ALKBH8: variants seen among roughly 807,000 people sequenced by gnomAD.
The protein encoded by ALKBH8 is alkB homolog 8, tRNA methyltransferase.
Under a neutral mutation model 59.8 loss-of-function variants are expected in ALKBH8, and 36 were observed. The ratio of observed to expected loss-of-function variants is 0.60; its 90% CI spans 0.46 to 0.79. The LOEUF is 0.79. ALKBH8 is among the 30% of genes least tolerant of loss of function. The probability of loss-of-function intolerance (pLI) is 0.00; values close to 1 mark genes in which losing one functional copy is unlikely to be tolerated. For missense variants in ALKBH8, 768 were observed against 801.0 expected (o/e 0.96, Z 0.50); for synonymous variants, 276 against 273.6 (o/e 1.01, Z -0.09).
chr11:107,564,905 C>G (rs1865070869), intron 1 of ALKBH8, among the ~76,000 whole-genome samples: 1 of 152,152 alleles, frequency 6.6e-6, no homozygotes, highest in Non-Finnish European at 1.5e-5. Flanking sequence ...TCGAATAAAC[C>G]TAAATCGACT....
At chr11:107,538,103 G>A (rs1272549838) in intron 7 of ALKBH8, among the ~76,000 whole-genome samples, 1 of 151,546 alleles carries the variant, frequency 6.6e-6, no homozygotes, top group Non-Finnish European at 1.5e-5. Flanking sequence ...TGCTTACAAA[G>A]CCCCCATCTT....
In ALKBH8 at chr11:107,524,929, A is replaced by G. The variant is rs144252749; in HGVS notation, c.1030+512T>C. ...GATGTACTTGTACAGACGATTCAAA[A>G]TAGCATCCTCTTGACAAGTTTTTGA... On this transcript the variant is annotated intron_variant, in intron 9 of 11. Coordinates refer to ENST00000428149, the MANE Select transcript of ALKBH8 (RefSeq NM_138775.3). 3.1e-3 allele frequency among the ~76,000 whole-genome samples: 477 copies of G among 152,330 alleles called. 3 individuals carry two copies. Among genetic ancestry groups the G allele is most frequent in the African/African-American group, 0.011 (450 of 41,586 alleles).
At chr11:107,553,356 T>G (rs978762715) in intron 4 of ALKBH8, among the ~76,000 whole-genome samples, 153 bp from the exon 5 acceptor site, 1 of 152,180 alleles carries the variant, frequency 6.6e-6, no homozygotes, top group Admixed American at 6.5e-5. Context: ...CCATTTTGCC[T>G]TATATTTGTT....
chr11:107,555,056 A>G (rs111441182), intron 3 of ALKBH8, among the ~76,000 whole-genome samples: 2,030 of 152,188 alleles, frequency 0.013, 39 homozygotes, highest in African/African-American at 0.046. Context: ...TCAGGAGATC[A>G]AGACCATCCT....
chr11:107,550,185 G>A (rs78906421), intron 6 of ALKBH8, among the ~76,000 whole-genome samples: 2,016 of 152,224 alleles, frequency 0.013, 44 homozygotes, highest in African/African-American at 0.046. Context: ...CAGAACAAAA[G>A]CAATAACCAG....
In ALKBH8 at chr11:107,504,938, TG is replaced by T; in HGVS notation, c.1714del (p.Gln572LysfsTer43). 6.4e-7 allele frequency: 1 copy of T among 1,551,916 alleles called. No individual in the cohort carries two copies. Among genetic ancestry groups the T allele is most frequent in the Non-Finnish European group, 8.7e-7 (1 of 1,146,978 alleles). On this transcript the variant is annotated frameshift_variant, in exon 12 of 12. Transcript: ENST00000428149. LOFTEE classifies it low-confidence loss of function (END_TRUNC). ...AACAGGCAGCTTGGAATTAGAAACT[TG>T]CCTTGAATTACATCCTCCTTCCTGA... is the stretch of plus-strand genomic sequence containing the variant. ...DSQEGGCNSR[Q>X]VSNSKLPVHV...
At chr11:107,560,522 C>T (rs1428649234) in intron 2 of ALKBH8, among the ~76,000 whole-genome samples, 1 of 151,970 alleles carries the variant, frequency 6.6e-6, no homozygotes, top group Non-Finnish European at 1.5e-5. Context: ...GAAACTTGCA[C>T]AGTATTATTA....
At chr11:107,544,815 C>CCACACACACACA (rs5794557) in intron 7 of ALKBH8, among the ~76,000 whole-genome samples, 5 of 138,452 alleles carry the variant, frequency 3.6e-5, no homozygotes, top group Non-Finnish European at 4.7e-5. Flanking sequence ...TAGATACAAA[C>CCACACACACACA]CACACACACA....
At chr11:107,564,071 A>T (rs1283290820) in intron 1 of ALKBH8, among the ~76,000 whole-genome samples, 1 of 152,156 alleles carries the variant, frequency 6.6e-6, no homozygotes, top group African/African-American at 2.4e-5. Flanking sequence ...ACTAATGCAC[A>T]GATACTTGGA....
chr11:107,531,074 A>T (rs773561094), intron 8 of ALKBH8, among the ~76,000 whole-genome samples: 66 of 151,238 alleles, frequency 4.4e-4, no homozygotes, highest in Non-Finnish European at 9.0e-4. Context: ...TCACATCATC[A>T]TTTTTTTTTA....
intron 11 of ALKBH8, among the ~76,000 whole-genome samples, chr11:107,507,373 G>A (rs1410754520): frequency 1.3e-5 from 2 of 152,098 alleles, no homozygotes; most frequent in African/African-American, 2.4e-5. Flanking sequence ...CAGCATGACT[G>A]ATACATAGAG....
chr11:107,516,856 T>G (rs915534299), intron 10 of ALKBH8, among the ~76,000 whole-genome samples: 2 of 152,064 alleles, frequency 1.3e-5, no homozygotes, highest in African/African-American at 4.8e-5. Flanking sequence ...CAAAACCTCA[T>G]CTCTACAAAA....
At chr11:107,560,646 T>C (rs905158602) in intron 2 of ALKBH8, 119 bp downstream of exon 2, 1 of 951,124 alleles carries the variant, frequency 1.1e-6, no homozygotes, top group Admixed American at 3.0e-5. Flanking sequence ...GTACCTCTAA[T>C]ATGGATGTAA....
In ALKBH8 at chr11:107,553,155, A is replaced by G. The variant is rs765162707; in HGVS notation, c.548T>C (p.Phe183Ser). The G allele has an allele frequency of 7.5e-6, 12 of 1,610,616 alleles. No individual in the cohort carries two copies. Among genetic ancestry groups the G allele is most frequent in the Non-Finnish European group, 1.0e-5 (12 of 1,178,546 alleles). Residue 183 changes from phenylalanine to serine, a missense_variant, in exon 5 of 12, where the codon TTC (phenylalanine) becomes TCC (serine). Coordinates refer to ENST00000428149, the MANE Select transcript of ALKBH8 (RefSeq NM_138775.3). ...HRRVKHFGYE[F>S]HYENNNVDKD... Reference sequence around the variant, plus strand: ...ATCTACATTGTTGTTCTCATAGTGGAACTCATAACCAAAATGCTTTACTCT... The same window carrying G: ...ATCTACATTGTTGTTCTCATAGTGGGACTCATAACCAAAATGCTTTACTCT...
intron 5 of ALKBH8, among the ~76,000 whole-genome samples, chr11:107,552,215 T>A (rs9326219): frequency 6.6e-6 from 1 of 151,630 alleles, no homozygotes; most frequent in East Asian, 1.9e-4. Context: ...GTCCACTTTC[T>A]TTTTTTGTTA....
At chr11:107,526,119 T>G (rs1863342998) in intron 8 of ALKBH8, among the ~76,000 whole-genome samples, 1 of 151,998 alleles carries the variant, frequency 6.6e-6, no homozygotes, top group Non-Finnish European at 1.5e-5. Context: ...GGTAACTACC[T>G]AGGAGTCAAA....
chr11:107,524,576 C>T (rs961624711), intron 9 of ALKBH8, among the ~76,000 whole-genome samples: 1 of 152,100 alleles, frequency 6.6e-6, no homozygotes, highest in African/African-American at 2.4e-5. Flanking sequence ...AAATAATAAA[C>T]ATTTTAAATT....
chr11:107,553,804 T>C (rs746990862), intron 4 of ALKBH8, 43 bp downstream of exon 4: 106 of 1,582,906 alleles, frequency 6.7e-5, no homozygotes, highest in Non-Finnish European at 8.3e-5. Context: ...AAGAAGAGTT[T>C]TGCAGAAACT....
intron 7 of ALKBH8, among the ~76,000 whole-genome samples, chr11:107,532,823 C>A (rs1450309592): frequency 6.6e-6 from 1 of 152,182 alleles, no homozygotes; most frequent in Non-Finnish European, 1.5e-5. Context: ...TAACCCCACT[C>A]TGCTTCTCAA....
Sources: gnomAD v4.1 joint callset for allele counts (sites outside exome capture counted in the v4.1 genomes callset) on GRCh38, gnomAD v4.1.1 for gene constraint, MANE v1.5 for transcripts, NCBI Gene and HGNC (gene_info 2026-07-23, HGNC 2026-07-21) for gene names.